TPO: variants seen among roughly 807,000 people sequenced by gnomAD.
TPO encodes thyroid peroxidase.
Under a neutral mutation model 96.9 loss-of-function variants are expected in TPO, and 78 were observed. The observed-to-expected ratio is 0.81, with a 90% CI of 0.67 to 0.97. The LOEUF (loss-of-function observed/expected upper bound fraction) is 0.97, where lower values mean the gene tolerates loss of function less well. TPO is among the 50% of genes least tolerant of loss of function. The pLI, the probability that TPO is intolerant of heterozygous loss-of-function variation, is 0.00. For synonymous variants in TPO, 547 were observed against 538.0 expected (o/e 1.02, Z -0.23); for missense variants, 1,252 against 1,274.8 (o/e 0.98, Z 0.27).
intron 10 of TPO, among the ~76,000 whole-genome samples, chr2:1,493,600 G>A (rs1374269240): frequency 6.7e-6 from 1 of 148,806 alleles, no homozygotes; most frequent in Non-Finnish European, 1.5e-5. Context: ...AAACTGCCGG[G>A]CAGTGTCACA....
intron 8 of TPO, 54 bp downstream of exon 8, chr2:1,477,658 C>T (rs1419372061): frequency 2.1e-6 from 3 of 1,435,552 alleles, no homozygotes; most frequent in African/African-American, 3.0e-5. Flanking sequence ...GCGGGGGGCG[C>T]CTCGTGTGGG....
intron 2 of TPO, among the ~76,000 whole-genome samples, chr2:1,415,828 T>C (rs1406042435): frequency 1.3e-5 from 2 of 152,194 alleles, no homozygotes; most frequent in Non-Finnish European, 2.9e-5. Flanking sequence ...CCCAGCCTCC[T>C]GCTGGGGGCC....
At chr2:1,472,698 A>ATGC (rs1299797353) in intron 7 of TPO, among the ~76,000 whole-genome samples, 1 of 152,222 alleles carries the variant, frequency 6.6e-6, no homozygotes, top group East Asian at 1.9e-4. Context: ...TAGCACTGCT[A>ATGC]TGCTGGTACT....
rs75669826 is a variant in TPO at position 1,470,371 on chromosome 2, A to T, written c.820-6715A>T. Among the ~76,000 whole-genome samples the T allele has an allele frequency of 5.4e-3, 817 of 152,182 alleles. 14 individuals carry two copies. Among genetic ancestry groups the T allele is most frequent in the African/African-American group, 0.018 (754 of 41,520 alleles). On this transcript the variant is annotated intron_variant, in intron 7 of 16. Coordinates refer to ENST00000329066, the MANE Select transcript of TPO (RefSeq NM_001206744.2). ...AGGCGAAAAAGGTGGACAAGGAGTG[A>T]GCCTTGGTCCTTCACTCTATATGAT...
rs534750995 is a variant in TPO at position 1,399,101 on chromosome 2, T to C, written n.180+24699T>C. 3.9e-5 allele frequency among the ~76,000 whole-genome samples: 6 copies of C among 152,346 alleles called. No homozygotes were observed. In the East Asian group the frequency reaches 1.2e-3, roughly 29 times the overall value. On this transcript the variant is annotated intron_variant and non_coding_transcript_variant, in intron 1 of 5. Transcript: ENST00000497517. ...GCAGGTGCATTTCCCAGGTGGCGGCTGCAGTTGTTTCTGCAGGACAGGACT... is the reference window on the plus strand; with the variant it reads ...GCAGGTGCATTTCCCAGGTGGCGGCCGCAGTTGTTTCTGCAGGACAGGACT...
At chr2:1,380,142 C>T (rs1041818679) in intron 1 of TPO, among the ~76,000 whole-genome samples, 31 of 152,124 alleles carry the variant, frequency 2.0e-4, no homozygotes, top group Admixed American at 1.2e-3. Flanking sequence ...CGCCTGTAAT[C>T]CCAGCACTTT....
intron 3 of TPO, among the ~76,000 whole-genome samples, chr2:1,426,209 G>A (rs1245222070): frequency 8.6e-5 from 12 of 138,948 alleles, no homozygotes; most frequent in African/African-American, 1.4e-4. Flanking sequence ...TGCTCCTTCC[G>A]TAAAGTCATT....
chr2:1,448,772 G>T (rs914488639), intron 5 of TPO, among the ~76,000 whole-genome samples: 1 of 152,212 alleles, frequency 6.6e-6, no homozygotes, highest in Non-Finnish European at 1.5e-5. Context: ...CACGGTGCAG[G>T]AATAACATCA....
In TPO at chr2:1,540,852, A is replaced by C. The variant is rs28915677; in HGVS notation, c.2748+129A>C. On this transcript the variant is annotated intron_variant, in intron 16 of 16. Coordinates refer to ENST00000329066, the MANE Select transcript of TPO (RefSeq NM_001206744.2). ...CTCCGTGTTTCCTAGTCCGTTCTGC[A>C]CCTTCCTCCGGGAGGTTTTATTTAC... The C allele has an allele frequency of 8.1e-4, 1,263 of 1,564,150 alleles. 14 individuals are homozygous for C. In the African/African-American group the frequency reaches 0.016, roughly 20 times the overall value.
chr2:1,440,157 GCGTTTC>G (rs1666017702), intron 5 of TPO, among the ~76,000 whole-genome samples: 1 of 78,928 alleles, frequency 1.3e-5, no homozygotes, highest in Admixed American at 1.7e-4. Flanking sequence ...CCAATGTGCT[GCGTTTC>G]CACCGTGCTG....
chr2:1,459,156 CTTT>C (rs59812716), intron 7 of TPO, among the ~76,000 whole-genome samples: 1 of 147,462 alleles, frequency 6.8e-6, no homozygotes. Flanking sequence ...GGGACATTTT[CTTT>C]TTTTTTTTTT....
chr2:1,437,742 G>A (rs1250763509), intron 5 of TPO, among the ~76,000 whole-genome samples: 1 of 152,166 alleles, frequency 6.6e-6, no homozygotes, highest in Non-Finnish European at 1.5e-5. Context: ...TTAGGACTGC[G>A]GAGCCCCGGC....
At chr2:1,376,097 A>G (rs781391755) in intron 1 of TPO, among the ~76,000 whole-genome samples, 6 of 152,162 alleles carry the variant, frequency 3.9e-5, no homozygotes, top group African/African-American at 9.7e-5. Flanking sequence ...GCGCGGCACC[A>G]TCTGTTCCTC....
intron 13 of TPO, among the ~76,000 whole-genome samples, chr2:1,497,214 TC>T (rs1404197243): frequency 2.6e-5 from 4 of 152,114 alleles, no homozygotes; most frequent in Non-Finnish European, 4.4e-5. Context: ...ACTCCCAGCC[TC>T]CCGCATGTTT....
chr2:1,415,604 A>G (rs9678767), intron 2 of TPO, among the ~76,000 whole-genome samples: 55,864 of 120,538 alleles, frequency 0.46, 12,569 homozygotes, highest in African/African-American at 0.64. Flanking sequence ...GTGACACCTC[A>G]CTGGGCAGGT....
chr2:1,390,362 G>A (rs1472311818), intron 1 of TPO, among the ~76,000 whole-genome samples: 2 of 152,034 alleles, frequency 1.3e-5, no homozygotes, highest in Admixed American at 1.3e-4. Context: ...CTTTTTTATG[G>A]CTGCATAGTA....
intron 15 of TPO, among the ~76,000 whole-genome samples, chr2:1,528,650 C>G (rs1677203435): frequency 7.0e-6 from 1 of 143,050 alleles, no homozygotes; most frequent in Admixed American, 6.9e-5. Context: ...TGTGCAACCT[C>G]ACCACATCCA....
At chr2:1,480,820 A>ACCTCCCTCCTCCTGCATC (rs1558339107) in intron 8 of TPO, among the ~76,000 whole-genome samples, 2 of 151,956 alleles carry the variant, frequency 1.3e-5, no homozygotes, top group African/African-American at 4.8e-5. Flanking sequence ...CGTCCACACC[A>ACCTCCCTCCTCCTGCATC]CGTCCCTGCT....
intron 15 of TPO, among the ~76,000 whole-genome samples, chr2:1,522,197 C>T (rs1675360866): frequency 7.0e-6 from 1 of 143,444 alleles, no homozygotes; most frequent in Non-Finnish European, 1.5e-5. Flanking sequence ...GTCTCTCTAC[C>T]CCACACCGGC....
Sources: allele counts gnomAD v4.1 joint callset (sites outside exome capture counted in the v4.1 genomes callset), GRCh38; gene constraint gnomAD v4.1.1; transcripts MANE v1.5; gene names NCBI Gene and HGNC (gene_info 2026-07-23, HGNC 2026-07-21).